ZNF552: variants seen among roughly 807,000 people sequenced by gnomAD.
The protein encoded by ZNF552 is zinc finger protein 552.
Under a neutral mutation model 7.2 loss-of-function variants are expected in ZNF552, and 2 were observed. The ratio of observed to expected loss-of-function variants is 0.28; its 90% CI spans 0.11 to 0.88. ZNF552 has a LOEUF of 0.88. ZNF552 is among the 40% of genes least tolerant of loss of function. The probability of loss-of-function intolerance (pLI) is 0.60; values close to 1 mark genes in which losing one functional copy is unlikely to be tolerated. For missense variants in ZNF552, 421 were observed against 493.4 expected (o/e 0.85, Z 1.39); for synonymous variants, 173 against 176.5 (o/e 0.98, Z 0.16).
intron 2 of ZNF552, 38 bp from the exon 3 acceptor site, chr19:57,809,141 T>C (rs1360304695): frequency 6.4e-7 from 1 of 1,555,110 alleles, no homozygotes; most frequent in African/African-American, 1.4e-5. Context: ...GCATGTTAAC[T>C]CTGGTGGGAA....
In ZNF552 at chr19:57,808,082, T is replaced by C; in HGVS notation, c.1182A>G (p.Ser394=). The change falls in exon 3 of 3, where the codon TCA becomes TCG. Residue 394 remains serine, a synonymous_variant. Coordinates refer to ENST00000391701, the MANE Select transcript of ZNF552 (RefSeq NM_024762.3). ...ECEKKFRQIS[S]LRHHQRVHKR... is the part of the protein sequence containing the mutation. ...TGTGAACTCTCTGATGATGACGAAG[T>C]GAAGAGATTTGCCTAAATTTTTTTT... The C allele has an allele frequency of 1.2e-6, 2 of 1,613,858 alleles. No homozygotes were observed. Among genetic ancestry groups the C allele is most frequent in the South Asian group, 2.2e-5 (2 of 91,044 alleles).
At chr19:57,813,983 C>T (rs1166967745) in intron 1 of ZNF552, among the ~76,000 whole-genome samples, 1 of 117,384 alleles carries the variant, frequency 8.5e-6, no homozygotes, top group Non-Finnish European at 1.8e-5. Flanking sequence ...ACCAACCCGC[C>T]TAGGCCTCCC....
chr19:57,814,894 C>G lies in ZNF552; in HGVS notation c.-151G>C. The G allele has an allele frequency of 1.3e-6, 1 of 799,800 alleles. No individual in the cohort carries two copies. The highest frequency in any genetic ancestry group is 1.7e-5 in the African/African-American group (1 of 57,700). 49.5% of individuals were successfully genotyped at this position (799,800 alleles called of 1,614,324 possible). On this transcript the variant is annotated 5_prime_UTR_variant, in exon 1 of 3. Coordinates refer to ENST00000391701, the MANE Select transcript of ZNF552 (RefSeq NM_024762.3). ...CAGCGCTCCAAGGACTCCCTAACGC[C>G]AATGGAAATGGTCGCTACTAAAGGG... is the stretch of plus-strand genomic sequence containing the variant.
Position 57,808,576 on chromosome 19 carries a change from GC to G in ZNF552, c.687del (p.Gln229HisfsTer195). Reference sequence around the variant, plus strand: ...TCTTCTGTAGGGAGCAGTCTCTCGTGCTGACTGAGTATATCTTTGGTGCTAA... The same window carrying G: ...TCTTCTGTAGGGAGCAGTCTCTCGTGTGACTGAGTATATCTTTGGTGCTAA... ...KHFSTKDILS[Q>X]HERLLPTEEP... On this transcript the variant is annotated frameshift_variant, in exon 3 of 3. Coordinates refer to ENST00000391701, the MANE Select transcript of ZNF552 (RefSeq NM_024762.3). LOFTEE classifies it low-confidence loss of function (END_TRUNC). The G allele has an allele frequency of 6.2e-7, 1 of 1,614,158 alleles. No homozygotes were observed. Among genetic ancestry groups the G allele is most frequent in the Non-Finnish European group, 8.5e-7 (1 of 1,180,042 alleles).
intron 2 of ZNF552, among the ~76,000 whole-genome samples, chr19:57,810,728 G>A (rs1021600886): frequency 6.6e-5 from 10 of 152,186 alleles, no homozygotes; most frequent in Non-Finnish European, 1.2e-4. Flanking sequence ...AAGGGGCTGT[G>A]CTGAGGATTA....
rs746267438 is a variant in ZNF552, at chr19:57,807,688, C to T, written c.*352G>A. On this transcript the variant is annotated 3_prime_UTR_variant, in exon 3 of 3. Coordinates refer to ENST00000391701, the MANE Select transcript of ZNF552 (RefSeq NM_024762.3). ...AGACTGGACTGCAGTGTTGCAATCT[C>T]GGCTCACTGCAACCTCTGCCTCCCA... is the stretch of plus-strand genomic sequence containing the variant. 9 of 222,382 alleles carry T rather than the reference C, an allele frequency of 4.0e-5. No homozygotes were observed. The highest frequency in any genetic ancestry group is 5.3e-5 in the Non-Finnish European group (6 of 112,204). The allele number at this position is 222,382 out of a possible 1,614,324, so 13.8% of individuals were successfully genotyped here.
chr19:57,808,600 TA>T lies in ZNF552; in HGVS notation c.663del (p.Phe221LeufsTer203), dbSNP rs765131534. 1.2e-6 allele frequency: 2 copies of T among 1,614,102 alleles called. No homozygotes were observed. The highest frequency in any genetic ancestry group is 8.5e-7 in the Non-Finnish European group (1 of 1,180,054). Reference protein sequence around the residue: ...HYSCGGCMKHFSTKDILSQHE... With the variant: ...HYSCGGCMKHXSTKDILSQHE... Reference sequence around the variant, plus strand: ...TGCTGACTGAGTATATCTTTGGTGCTAAAATGTTTCATGCATCCTCCACAGC... The same window carrying T: ...TGCTGACTGAGTATATCTTTGGTGCTAAATGTTTCATGCATCCTCCACAGC... On this transcript the variant is annotated frameshift_variant, in exon 3 of 3. Transcript: ENST00000391701. LOFTEE classifies it low-confidence loss of function (END_TRUNC).
chr19:57,813,051 G>C (rs1415194988), intron 2 of ZNF552: 2 of 557,824 alleles, frequency 3.6e-6, no homozygotes, highest in Non-Finnish European at 6.1e-6. Flanking sequence ...GGACAAACAA[G>C]GTAGCCTGCA....
Position 57,814,705 on chromosome 19 carries a change from A to G in ZNF552, c.33+6T>C. The G allele has an allele frequency of 1.2e-6, 2 of 1,614,082 alleles. No homozygotes were observed. The highest frequency in any genetic ancestry group is 1.7e-6 in the Non-Finnish European group (2 of 1,180,012). ...GACCGGAGAGCACGGAAGGCGCCAC[A>G]ATTACCTGAACGGGGAACCTTAGCG... On this transcript the variant is annotated splice_donor_region_variant and intron_variant, in intron 1 of 2. Coordinates refer to ENST00000391701, the MANE Select transcript of ZNF552 (RefSeq NM_024762.3).
intron 1 of ZNF552, 153 bp downstream of exon 1, chr19:57,814,558 C>G (rs916728177): frequency 6.5e-7 from 1 of 1,548,090 alleles, no homozygotes; most frequent in Non-Finnish European, 8.7e-7. Context: ...CCGCATCCCA[C>G]GGGTGTCTGA....
Position 57,813,325 on chromosome 19 carries a change from C to A in ZNF552, c.129G>T (p.Thr43=), listed in dbSNP as rs417518. 1.5e-4 allele frequency: 242 copies of A among 1,614,100 alleles called. 1 individual carries two copies. The highest frequency in any genetic ancestry group is 3.3e-4 in the East Asian group (15 of 44,886). ...AGGACATAAGTGCCAGGTTCTCCAG[C>A]GTCACATCACGGTACAGGCATCTCT... ...EAQRCLYRDV[T]LENLALMSSL... Residue 43 remains threonine (T), a synonymous_variant, in exon 2 of 3, where the codon ACG becomes ACT. Transcript: ENST00000391701.
chr19:57,814,514 C>T, intron 1 of ZNF552, 197 bp downstream of exon 1: 1 of 1,536,922 alleles, frequency 6.5e-7, no homozygotes, highest in Non-Finnish European at 8.7e-7. Context: ...CAGGCCATTG[C>T]CCGCGCCCCT....
intron 1 of ZNF552, 82 bp downstream of exon 1, chr19:57,814,629 G>A (rs768701667): frequency 2.5e-6 from 4 of 1,609,612 alleles, no homozygotes; most frequent in East Asian, 4.5e-5. Context: ...TTGCAGAGCC[G>A]TAAACAGGTG....
intron 2 of ZNF552, chr19:57,813,017 G>A (rs937947842): frequency 2.1e-6 from 1 of 481,054 alleles, no homozygotes; most frequent in South Asian, 4.3e-5. Context: ...CTGAAATCTG[G>A]ATGAAATCAC....
rs1987765056 is a variant in ZNF552 at position 57,807,575 on chromosome 19, A to T, written c.*465T>A. The T allele has an allele frequency of 6.5e-6, 1 of 154,634 alleles. No individual in the cohort carries two copies. The highest frequency in any genetic ancestry group is 2.0e-4 in the South Asian group (1 of 4,984). The allele number at this position is 154,634 out of a possible 1,614,324, so 9.6% of individuals were successfully genotyped here. ...CTCAAAAAAAAGAAAAAGAAAATTC[A>T]AGACTTATCCTACAGCTCAAATATG... On this transcript the variant is annotated 3_prime_UTR_variant, in exon 3 of 3. Transcript: ENST00000391701.
chr19:57,813,487 C>T, intron 1 of ZNF552, 67 bp from the exon 2 acceptor site: 2 of 1,551,668 alleles, frequency 1.3e-6, no homozygotes, highest in Non-Finnish European at 1.8e-6. Flanking sequence ...TCCATCTCTC[C>T]CACACATCTA....
rs1247902474 is a variant in ZNF552 at position 57,808,950 on chromosome 19, T to G, written c.314A>C (p.His105Pro). ...ATGTGTTCCCTGATGATCTGCCACA[T>G]GCAAAATGTCTCCCAAGATCGGGCC... is the stretch of plus-strand genomic sequence containing the variant. Reference protein sequence around the residue: ...MCGPILGDILHVADHQGTHHK... With the variant: ...MCGPILGDILPVADHQGTHHK... The change falls in exon 3 of 3, where the codon CAT (histidine) becomes CCT (proline). Residue 105 changes from histidine to proline, a missense_variant. His to Pro is a moderately conservative substitution (Grantham distance 77). Around this residue, in one of 2 missense-constraint regions of ZNF552, gnomAD observed 122 missense variants for 199.7 expected, o/e 0.61. Transcript: ENST00000391701. The G allele has an allele frequency of 2.5e-6, 4 of 1,603,310 alleles. No homozygotes were observed. The highest frequency in any genetic ancestry group is 1.3e-5 in the African/African-American group (1 of 74,240).
rs148586247 is a variant in ZNF552, at chr19:57,808,690, T to A, written c.574A>T (p.Thr192Ser). The A allele has an allele frequency of 5.5e-4, 893 of 1,614,224 alleles. 2 individuals carry two copies. The highest frequency in any genetic ancestry group is 7.1e-4 in the Non-Finnish European group (837 of 1,180,044). ...SGLLQQEATHTGKSNSKTECV... is the reference protein window; with the variant it reads ...SGLLQQEATHSGKSNSKTECV... ...TCAGTTTTGCTGTTTGACTTCCCAG[T>A]GTGAGTGGCCTCTTGCTGGAGTAAT... The change falls in exon 3 of 3, where the codon ACT becomes TCT. Residue 192 changes from threonine (T) to serine (S), a missense_variant. This residue lies in a region of ZNF552 where 299 missense variants were observed against 293.7 expected (regional missense o/e 1.02). Coordinates refer to ENST00000391701, the MANE Select transcript of ZNF552 (RefSeq NM_024762.3).
intron 1 of ZNF552, chr19:57,814,453 C>G (rs1326299754): frequency 6.7e-7 from 1 of 1,486,024 alleles, no homozygotes; most frequent in African/African-American, 1.4e-5. Context: ...AGGTTGTTCC[C>G]TACAGGCGCC....
Sources: gnomAD v4.1 joint callset for allele counts (sites outside exome capture counted in the v4.1 genomes callset) on GRCh38, gnomAD v4.1.1 for gene constraint, gnomAD v4.1.1 regional missense constraint, MANE v1.5 for transcripts, NCBI Gene and HGNC (gene_info 2026-07-23, HGNC 2026-07-21) for gene names.